NLGN1: variants seen among roughly 807,000 people sequenced by gnomAD.
NLGN1 encodes the protein neuroligin 1.
Under a neutral mutation model 65.5 loss-of-function variants are expected in NLGN1, and 12 were observed. The ratio of observed to expected loss-of-function variants is 0.18; its 90% CI spans 0.12 to 0.30. The LOEUF (loss-of-function observed/expected upper bound fraction) is 0.30, where lower values mean the gene tolerates loss of function less well. NLGN1 is among the 10% of genes least tolerant of loss of function. The probability of loss-of-function intolerance (pLI) is 1.00; values close to 1 mark genes in which losing one functional copy is unlikely to be tolerated. For missense variants in NLGN1, 750 were observed against 1,007.1 expected (o/e 0.74, Z 3.46); for synonymous variants, 350 against 359.5 (o/e 0.97, Z 0.30).
chr3:173,755,855 A>G (rs1210832423), intron 3 of NLGN1, among the ~76,000 whole-genome samples: 1 of 152,122 alleles, frequency 6.6e-6, no homozygotes, highest in African/African-American at 2.4e-5. Flanking sequence ...GTGCATTAAC[A>G]GTTTTCCTTA....
chr3:173,522,753 A>G (rs1734977573), intron 2 of NLGN1, among the ~76,000 whole-genome samples: 1 of 152,044 alleles, frequency 6.6e-6, no homozygotes, highest in Admixed American at 6.6e-5. Context: ...TTTTTTAAAT[A>G]CAATTATTTC....
At chr3:173,541,902 T>C (rs1357634423) in intron 2 of NLGN1, among the ~76,000 whole-genome samples, 1 of 152,066 alleles carries the variant, frequency 6.6e-6, no homozygotes, top group Non-Finnish European at 1.5e-5. Context: ...GTGGATTTTG[T>C]TCATTCTTTT....
At chr3:173,429,239 A>T (rs1716746557) in intron 1 of NLGN1, among the ~76,000 whole-genome samples, 1 of 151,312 alleles carries the variant, frequency 6.6e-6, no homozygotes, top group Admixed American at 6.6e-5. Flanking sequence ...CTGTCTTCAT[A>T]CTCTCTGATT....
In NLGN1 at chr3:174,162,485, T is replaced by C. The variant is rs1427846970; in HGVS notation, c.647-112830T>C. On this transcript the variant is annotated intron_variant, in intron 4 of 6. Coordinates refer to ENST00000457714, the Ensembl canonical transcript of NLGN1. ...TTTCATTCATTAATACAATGATCGA[T>C]AAAATCATTATGTTTGTTCTGCTTT... 2.6e-5 allele frequency among the ~76,000 whole-genome samples: 4 copies of C among 152,114 alleles called. No individual in the cohort carries two copies. The East Asian group carries it at 7.7e-4, about 29-fold the overall frequency.
intron 1 of NLGN1, among the ~76,000 whole-genome samples, chr3:173,419,259 C>T (rs952660255): frequency 3.5e-4 from 52 of 150,366 alleles, no homozygotes; most frequent in African/African-American, 1.2e-3. Context: ...GGGCTTATCA[C>T]AAGCTTGGAA....
chr3:173,515,585 C>T (rs1733691923), intron 2 of NLGN1, among the ~76,000 whole-genome samples: 2 of 152,028 alleles, frequency 1.3e-5, no homozygotes, highest in Admixed American at 6.6e-5. Flanking sequence ...TGAAGTTTTA[C>T]CCAGTGTTTC....
In NLGN1 at chr3:173,478,904, AAAG is replaced by A. The variant is rs543989231; in HGVS notation, c.-321+43829_-321+43831del. ...AAGACCGTGTCTCGATTAAAAAAAAAAAGAAAAAGAAAAAGAAAGAAAATTGGA... is the reference window on the plus strand; with the variant it reads ...AAGACCGTGTCTCGATTAAAAAAAAAAAAAAGAAAAAGAAAGAAAATTGGA... On this transcript the variant is annotated intron_variant, in intron 2 of 6. Transcript: ENST00000457714. Among the ~76,000 whole-genome samples the A allele has an allele frequency of 2.7e-4, 41 of 150,952 alleles. No homozygotes were observed. In the East Asian group the frequency reaches 7.3e-3, roughly 27 times the overall value.
In NLGN1 at chr3:173,440,168, T is replaced by G. The variant is rs140747662; in HGVS notation, c.-321+5090T>G. Among the ~76,000 whole-genome samples, 29 of 152,280 alleles carry G rather than the reference T, an allele frequency of 1.9e-4. No homozygotes were observed. The East Asian group carries it at 5.6e-3, about 29-fold the overall frequency. On this transcript the variant is annotated intron_variant, in intron 2 of 6. Transcript: ENST00000457714. ...GATGCAACTCCTCATCCATTCAAGT[T>G]TGTTCATGACATTGCAGCAATTCAT...
chr3:173,610,234 T>G (rs1320932834), intron 3 of NLGN1, among the ~76,000 whole-genome samples: 1 of 151,970 alleles, frequency 6.6e-6, no homozygotes, highest in Non-Finnish European at 1.5e-5. Context: ...CAAAGAAGAT[T>G]ACTATGTTTT....
intron 2 of NLGN1, among the ~76,000 whole-genome samples, chr3:173,475,297 A>G (rs965018651): frequency 1.5e-5 from 2 of 136,250 alleles, no homozygotes; most frequent in Admixed American, 8.1e-5. Flanking sequence ...ATTTTTTTCT[A>G]AATGAATCAT....
At chr3:173,997,536 T>C (rs900815329) in intron 4 of NLGN1, among the ~76,000 whole-genome samples, 1 of 152,160 alleles carries the variant, frequency 6.6e-6, no homozygotes, top group African/African-American at 2.4e-5. Flanking sequence ...GAATTAAAGC[T>C]CTTTATCAAA....
chr3:173,807,245 G>GT (rs1385213171), intron 3 of NLGN1, among the ~76,000 whole-genome samples: 1 of 152,108 alleles, frequency 6.6e-6, no homozygotes, highest in African/African-American at 2.4e-5. Context: ...CATAAGAAAG[G>GT]TTAAACAGAT....
chr3:174,138,880 G>C (rs919545499), intron 4 of NLGN1, among the ~76,000 whole-genome samples: 2 of 152,088 alleles, frequency 1.3e-5, no homozygotes, highest in Admixed American at 1.3e-4. Flanking sequence ...GGAAAAGGTG[G>C]TGCTGAAGGT....
At chr3:174,100,936 C>T (rs978709394) in intron 4 of NLGN1, among the ~76,000 whole-genome samples, 4 of 151,986 alleles carry the variant, frequency 2.6e-5, no homozygotes, top group Admixed American at 6.6e-5. Flanking sequence ...CACTCCACAG[C>T]CATCATACTT....
intron 4 of NLGN1, among the ~76,000 whole-genome samples, chr3:174,117,725 C>A (rs1156593211): frequency 2.0e-5 from 3 of 152,072 alleles, no homozygotes; most frequent in Non-Finnish European, 4.4e-5. Context: ...AACCTCTTTG[C>A]AACACACCAT....
Position 173,574,909 on chromosome 3 carries a change from G to A in NLGN1, c.-320-29370G>A, listed in dbSNP as rs75544278. ...AATAATTATTTAAAAAACACAGACA[G>A]GATCTCACTCTGTCACCTAGGCTAG... On this transcript the variant is annotated intron_variant, in intron 2 of 6. Coordinates refer to ENST00000457714, the Ensembl canonical transcript of NLGN1. Among the ~76,000 whole-genome samples, 922 of 152,266 alleles carry A rather than the reference G, an allele frequency of 6.1e-3. 7 individuals are homozygous for A. Among genetic ancestry groups the A allele is most frequent in the African/African-American group, 0.021 (870 of 41,574 alleles).
At chr3:173,900,493 TC>T (rs1174170588) in intron 4 of NLGN1, among the ~76,000 whole-genome samples, 2 of 152,092 alleles carry the variant, frequency 1.3e-5, no homozygotes, top group African/African-American at 4.8e-5. Context: ...TGGATTTTTT[TC>T]CATGAATCCC....
chr3:173,429,653 C>G (rs961699303), intron 1 of NLGN1, among the ~76,000 whole-genome samples: 3 of 152,138 alleles, frequency 2.0e-5, no homozygotes, highest in Non-Finnish European at 4.4e-5. Flanking sequence ...GACTAGAAGT[C>G]CTGTGCCAGT....
intron 4 of NLGN1, among the ~76,000 whole-genome samples, chr3:173,945,865 A>G (rs1452601779): frequency 6.6e-6 from 1 of 152,208 alleles, no homozygotes; most frequent in Non-Finnish European, 1.5e-5. Context: ...TAAAGAAAGG[A>G]CAAGGATGAG....
Sources: allele counts gnomAD v4.1 joint callset (sites outside exome capture counted in the v4.1 genomes callset), GRCh38; gene constraint gnomAD v4.1.1; transcripts MANE v1.5; gene names NCBI Gene and HGNC (gene_info 2026-07-23, HGNC 2026-07-21).